Variants in AMZ1 observed in about 807,000 individuals in gnomAD.
The protein encoded by AMZ1 is archaemetzincin-1.
Under a neutral mutation model 29.9 loss-of-function variants are expected in AMZ1, and 39 were observed. The ratio of observed to expected loss-of-function variants is 1.30; its 90% CI spans 1.01 to 1.70. The LOEUF (loss-of-function observed/expected upper bound fraction) is 1.70. AMZ1 is among the 40% of genes most tolerant of loss of function. The pLI is 0.00. For missense variants in AMZ1, 1,041 were observed against 680.6 expected (o/e 1.53, Z -5.89); for synonymous variants, 458 against 304.0 (o/e 1.51, Z -5.27).
chr7:2,751,795 T>G (rs1791053016), intron 4 of AMZ1, among the ~76,000 whole-genome samples: 1 of 152,226 alleles, frequency 6.6e-6, no homozygotes, highest in Non-Finnish European at 1.5e-5. Flanking sequence ...AAAATTTAAT[T>G]TCCCAAAACG....
downstream of AMZ1, among the ~76,000 whole-genome samples, chr7:2,722,160 C>G (rs1789451414): frequency 1.3e-5 from 2 of 152,308 alleles, no homozygotes; most frequent in South Asian, 2.1e-4. Context: ...AAAGGGAGTT[C>G]AGGACACGGT....
At chr7:2,725,626 G>GC (rs1430295590) in intron 4 of AMZ1, among the ~76,000 whole-genome samples, 1 of 152,190 alleles carries the variant, frequency 6.6e-6, no homozygotes, top group Non-Finnish European at 1.5e-5. Flanking sequence ...GGACCTGGAG[G>GC]CAGGAGCAGC....
chr7:2,680,330 A>ACAGGCTCCCCGAGCCCTGC (rs1786837297), intron 1 of AMZ1, among the ~76,000 whole-genome samples: 1 of 152,074 alleles, frequency 6.6e-6, no homozygotes, highest in East Asian at 1.9e-4. Context: ...CTCCGGCCCC[A>ACAGGCTCCCCGAGCCCTGC]CAGGCTCCCC....
intron 5 of AMZ1, 125 bp from the exon 6 acceptor site, chr7:2,709,515 T>C (rs4721976): frequency 0.76 from 1,085,101 of 1,419,234 alleles, 416,381 homozygotes; most frequent in African/African-American, 0.91. Flanking sequence ...GGAGGGCGCC[T>C]GGACCACCTC....
chr7:2,686,863 A>G (rs1040257604), upstream of AMZ1, among the ~76,000 whole-genome samples: 1 of 151,884 alleles, frequency 6.6e-6, no homozygotes, highest in African/African-American at 2.4e-5. Flanking sequence ...TATAGGCACC[A>G]GCCACCACGC....
upstream of AMZ1, among the ~76,000 whole-genome samples, chr7:2,685,514 C>T (rs1353677811): frequency 2.7e-5 from 4 of 149,414 alleles, 1 homozygote; most frequent in Non-Finnish European, 3.0e-5. Flanking sequence ...GCCGAGATCG[C>T]GCCACTTGTA....
At chr7:2,682,015 C>G (rs1191533216) in intron 1 of AMZ1, among the ~76,000 whole-genome samples, 1 of 152,190 alleles carries the variant, frequency 6.6e-6, no homozygotes, top group Non-Finnish European at 1.5e-5. Context: ...TGTGCTGGGG[C>G]TGTCACTTTG....
In AMZ1 at chr7:2,700,649, G is replaced by C. The variant is rs541662977; in HGVS notation, c.198G>C (p.Trp66Cys). 2.3e-5 allele frequency: 37 copies of C among 1,612,046 alleles called. No individual in the cohort carries two copies. In the South Asian group the frequency reaches 4.1e-4, roughly 18 times the overall value. Residue 66 changes from tryptophan to cysteine, a missense_variant, in exon 2 of 7, where the codon TGG becomes TGC. By Grantham distance (215) the Trp-to-Cys change is radical. Transcript: ENST00000683327. ...CTLLIRTGFD[W>C]LLSRPEAPED... ...TGCTCATCCGCACGGGCTTCGACTG[G>C]CTCCTGAGCCGACCCGAGGCTCCCG... is the stretch of plus-strand genomic sequence containing the variant.
chr7:2,717,684 G>A lies in AMZ1; in HGVS notation c.*4806G>A, dbSNP rs924977932. On this transcript the variant is annotated 3_prime_UTR_variant, in exon 7 of 7. Coordinates refer to ENST00000683327, the MANE Select transcript of AMZ1 (RefSeq NM_001384743.1). ...CTGTAAAGAGCCCTGGCCTGCGAAC[G>A]CTGTTAAAAACAGATGCAGATCGCG... Among the ~76,000 whole-genome samples, 6 of 152,152 alleles carry A rather than the reference G, an allele frequency of 3.9e-5. No homozygotes were observed. Among genetic ancestry groups the A allele is most frequent in the South Asian group, 2.1e-4 (1 of 4,832 alleles).
chr7:2,713,019 T>A lies in AMZ1; in HGVS notation c.*141T>A. On this transcript the variant is annotated 3_prime_UTR_variant, in exon 7 of 7. Transcript: ENST00000683327. ...GCTCAGGCCTGTCATCCCATCACTT[T>A]GAGAGGCCAGGAGTTTGAGACCAGA... 1.1e-6 allele frequency: 1 copy of A among 948,260 alleles called. No individual in the cohort carries two copies. The highest frequency in any genetic ancestry group is 1.4e-6 in the Non-Finnish European group (1 of 695,964). The allele number at this position is 948,260 out of a possible 1,614,324, so 58.7% of individuals were successfully genotyped here.
chr7:2,733,790 G>A (rs754874078), intron 4 of AMZ1, among the ~76,000 whole-genome samples: 4 of 152,196 alleles, frequency 2.6e-5, no homozygotes, highest in African/African-American at 2.4e-5. Context: ...CCCTCTGATG[G>A]GGGACTCTCT....
intron 1 of AMZ1, among the ~76,000 whole-genome samples, chr7:2,696,131 A>C (rs1583151244): frequency 1.3e-5 from 2 of 152,138 alleles, no homozygotes; most frequent in Admixed American, 1.3e-4. Context: ...GGTGTTGCTT[A>C]AGTTAGATTT....
rs753887504 is a variant in AMZ1 at position 2,718,039 on chromosome 7, G to A, written c.*5161G>A. Among the ~76,000 whole-genome samples the A allele has an allele frequency of 3.3e-5, 5 of 152,212 alleles. No homozygotes were observed. The highest frequency in any genetic ancestry group is 5.9e-5 in the Non-Finnish European group (4 of 68,038). On this transcript the variant is annotated 3_prime_UTR_variant, in exon 7 of 7. Coordinates refer to ENST00000683327, the MANE Select transcript of AMZ1 (RefSeq NM_001384743.1). ...GCCCTCAGAGGGTCCGCGGCAGCCA[G>A]GCCCGTCCAACCTCCTGCCCTCTCT...
chr7:2,737,264 G>GTTT lies in AMZ1; in HGVS notation n.551-27446_551-27444dup, dbSNP rs201866976. On this transcript the variant is annotated intron_variant and non_coding_transcript_variant, in intron 4 of 4. Transcript: ENST00000489665. ...CTGCCCATTCAGGAGCTATCTCACAGTTTTGTTTTGTTTTTTTTTTTTTTG... is the reference window on the plus strand; with the variant it reads ...CTGCCCATTCAGGAGCTATCTCACAGTTTTTTTGTTTTGTTTTTTTTTTTTTTG... Among the ~76,000 whole-genome samples the GTTT allele has an allele frequency of 9.0e-4, 47 of 52,486 alleles. 4 individuals carry two copies. The highest frequency in any genetic ancestry group is 1.4e-3 in the Non-Finnish European group (34 of 25,148). 34.4% of individuals were successfully genotyped at this position (52,486 alleles called of 152,430 possible).
intron 1 of AMZ1, among the ~76,000 whole-genome samples, chr7:2,681,842 G>A (rs1053739080): frequency 6.6e-6 from 1 of 152,154 alleles, no homozygotes; most frequent in African/African-American, 2.4e-5. Context: ...AACCCCAAGA[G>A]ACAGAGACAG....
chr7:2,684,558 T>A (rs1171942234), upstream of AMZ1, among the ~76,000 whole-genome samples: 3 of 152,044 alleles, frequency 2.0e-5, no homozygotes, highest in African/African-American at 7.2e-5. Flanking sequence ...AGGACAGGGG[T>A]CCCCATATCA....
Position 2,700,580 on chromosome 7 carries a change from C to A in AMZ1, c.129C>A (p.Phe43Leu). 1 of 1,610,452 alleles carries A rather than the reference C, an allele frequency of 6.2e-7. No individual in the cohort carries two copies. Among genetic ancestry groups the A allele is most frequent in the Non-Finnish European group, 8.5e-7 (1 of 1,179,964 alleles). Residue 43 changes from phenylalanine (F) to leucine (L), a missense_variant, in exon 2 of 7, where the codon TTC becomes TTA. Phe to Leu is a conservative substitution (Grantham distance 22). Coordinates refer to ENST00000683327, the MANE Select transcript of AMZ1 (RefSeq NM_001384743.1). ...VSAFSPAERL[F>L]LAEAYNPQRT... The stretch of plus-strand genomic sequence containing the variant: ...CCTTCTCCCCTGCCGAGCGGCTCTT[C>A]CTGGCCGAGGCCTACAACCCGCAGA...
Position 2,718,876 on chromosome 7 carries a change from G to C in AMZ1, c.*5998G>C, listed in dbSNP as rs1789286954. ...CACAGAAACCACGGGAAACGGAGTGGGTTGGAAGAGGCAGAGAACACGCTT... is the reference window on the plus strand; with the variant it reads ...CACAGAAACCACGGGAAACGGAGTGCGTTGGAAGAGGCAGAGAACACGCTT... On this transcript the variant is annotated 3_prime_UTR_variant, in exon 7 of 7. Coordinates refer to ENST00000683327, the MANE Select transcript of AMZ1 (RefSeq NM_001384743.1). Among the ~76,000 whole-genome samples, 1 of 152,196 alleles carries C rather than the reference G, an allele frequency of 6.6e-6. No individual in the cohort carries two copies. Among genetic ancestry groups the C allele is most frequent in the African/African-American group, 2.4e-5 (1 of 41,454 alleles).
At chr7:2,694,258 C>T (rs1787573165) in intron 1 of AMZ1, among the ~76,000 whole-genome samples, 1 of 152,208 alleles carries the variant, frequency 6.6e-6, no homozygotes, top group African/African-American at 2.4e-5. Context: ...CCCTCATTTC[C>T]TGCCTCGCCG....
Sources: gnomAD v4.1 joint callset for allele counts (sites outside exome capture counted in the v4.1 genomes callset) on GRCh38, gnomAD v4.1.1 for gene constraint, MANE v1.5 for transcripts, NCBI Gene and HGNC (gene_info 2026-07-23, HGNC 2026-07-21) for gene names.